The following MGAT5 variants were observed in gnomAD, a reference collection of about 807,000 sequenced individuals.
The protein encoded by MGAT5 is alpha-1,6-mannosylglycoprotein 6-beta-N-acetylglucosaminyltransferase.
In MGAT5, 30 loss-of-function variants were observed where a neutral mutation model predicts 94.3. The ratio of observed to expected loss-of-function variants is 0.32; its 90% CI spans 0.24 to 0.43. The LOEUF (loss-of-function observed/expected upper bound fraction) is 0.43, where lower values mean the gene tolerates loss of function less well. Among genes scored for constraint, MGAT5 ranks in the 20% least tolerant of loss-of-function variants. The probability of loss-of-function intolerance (pLI) is 1.00; values close to 1 mark genes in which losing one functional copy is unlikely to be tolerated. For missense variants in MGAT5, 691 were observed against 905.5 expected (o/e 0.76, Z 3.04); for synonymous variants, 310 against 322.9 (o/e 0.96, Z 0.43).
chr2:134,275,889 ATT>A, intron 2 of MGAT5, among the ~76,000 whole-genome samples: 1 of 151,996 alleles, frequency 6.6e-6, no homozygotes, highest in South Asian at 2.1e-4. Flanking sequence ...TGACTGGCCT[ATT>A]TATTTCTAAT....
chr2:134,175,599 C>T (rs759886179), intron 1 of MGAT5, among the ~76,000 whole-genome samples: 1 of 152,190 alleles, frequency 6.6e-6, no homozygotes, highest in Non-Finnish European at 1.5e-5. Flanking sequence ...TCTTTCCTCC[C>T]TCCTCTTCCG....
chr2:134,220,864 T>C (rs1680726737), intron 1 of MGAT5, among the ~76,000 whole-genome samples: 2 of 152,196 alleles, frequency 1.3e-5, no homozygotes, highest in African/African-American at 4.8e-5. Context: ...GGTGTTCTTT[T>C]TGGATTCTGC....
At position 134,270,839 on chromosome 2, in the gene MGAT5, G is replaced by A. The variant is rs563799528; in HGVS notation, c.406+289G>A. Among the ~76,000 whole-genome samples the A allele has an allele frequency of 2.6e-5, 4 of 152,346 alleles. 1 individual carries two copies. In the South Asian group the frequency reaches 8.3e-4, roughly 32 times the overall value. On this transcript the variant is annotated intron_variant, in intron 2 of 15. Transcript: ENST00000281923. Reference sequence around the variant, plus strand: ...AGAAGATTCATGGCATAGATTAAATGAAATACAGAGGTTATTTGAGAAGCT... The same window carrying A: ...AGAAGATTCATGGCATAGATTAAATAAAATACAGAGGTTATTTGAGAAGCT...
At chr2:134,439,442 A>G (rs1176857546) in intron 14 of MGAT5, among the ~76,000 whole-genome samples, 1 of 152,170 alleles carries the variant, frequency 6.6e-6, no homozygotes, top group African/African-American at 2.4e-5. Context: ...CACACCTGTA[A>G]TCCCGGCACT....
chr2:134,279,579 A>G (rs937091576), intron 2 of MGAT5, among the ~76,000 whole-genome samples: 3 of 152,202 alleles, frequency 2.0e-5, no homozygotes, highest in African/African-American at 7.2e-5. Flanking sequence ...GTCGGGAATA[A>G]TGTTCCTCCC....
intron 1 of MGAT5, among the ~76,000 whole-genome samples, chr2:134,124,388 G>C (rs2104875396): frequency 6.6e-6 from 1 of 152,306 alleles, no homozygotes; most frequent in South Asian, 2.1e-4. Flanking sequence ...GCATGGGAGG[G>C]GTTGGAGGAA....
At chr2:134,381,330 CATAG>C (rs10637591) in intron 10 of MGAT5, among the ~76,000 whole-genome samples, 754 of 67,866 alleles carry the variant, frequency 0.011, 19 homozygotes, top group African/African-American at 0.033. Flanking sequence ...AGACCTGTCT[CATAG>C]ATAGATAGAT....
At chr2:134,174,139 G>T (rs1260293474) in intron 1 of MGAT5, among the ~76,000 whole-genome samples, 1 of 152,246 alleles carries the variant, frequency 6.6e-6, no homozygotes, top group Admixed American at 6.5e-5. Context: ...GTGTCCCTGG[G>T]AATTGGATGT....
rs76007551 is a variant in MGAT5 at position 134,227,528 on chromosome 2, T to C, written c.-142-26734T>C. Among the ~76,000 whole-genome samples the C allele has an allele frequency of 4.7e-3, 714 of 152,310 alleles. 22 individuals are homozygous for C. In the East Asian group the frequency reaches 0.1, roughly 22 times the overall value. On this transcript the variant is annotated intron_variant, in intron 1 of 16. Coordinates refer to the MGAT5 transcript ENST00000409645. ...AAATACTGAGCTACAAATTATTGCC[T>C]AAAACAAATAAAAAATAATACCTCT... is the stretch of plus-strand genomic sequence containing the variant.
chr2:134,380,946 T>C (rs1291520088), intron 10 of MGAT5, among the ~76,000 whole-genome samples: 7 of 152,172 alleles, frequency 4.6e-5, no homozygotes, highest in Non-Finnish European at 1.0e-4. Context: ...AATTCATACA[T>C]AGTGCAGTGA....
intron 1 of MGAT5, among the ~76,000 whole-genome samples, chr2:134,232,432 T>A (rs1459302516): frequency 6.6e-6 from 1 of 152,232 alleles, no homozygotes; most frequent in African/African-American, 2.4e-5. Flanking sequence ...TATATCCTAT[T>A]CTGGACCCAT....
rs1553490382 is a variant in MGAT5, at chr2:134,189,602, G to GTTTTTTTTTTTTTGT, written c.-142-64647_-142-64646insGTTTTTTTTTTTTTT. ...AACCTCATGGCTCTAGTTTTTTTTT[G>GTTTTTTTTTTTTTGT]TTTTTTTTTTTTTTTTTTAAGACAG... is the stretch of plus-strand genomic sequence containing the variant. On this transcript the variant is annotated intron_variant, in intron 1 of 16. Coordinates refer to the MGAT5 transcript ENST00000409645. Among the ~76,000 whole-genome samples, 9 of 84,656 alleles carry GTTTTTTTTTTTTTGT rather than the reference G, an allele frequency of 1.1e-4. No individual in the cohort carries two copies. In the South Asian group the frequency reaches 1.3e-3, roughly 12 times the overall value. 55.5% of individuals were successfully genotyped at this position (84,656 alleles called of 152,430 possible).
rs1476357194 is a variant in MGAT5, at chr2:134,454,076, A to T, written c.*5229A>T. 1 of 152,298 alleles carries T rather than the reference A, an allele frequency of 6.6e-6. No homozygotes were observed. Among genetic ancestry groups the T allele is most frequent in the East Asian group, 1.9e-4 (1 of 5,172 alleles). The allele number at this position is 152,298 out of a possible 1,614,324, so 9.4% of individuals were successfully genotyped here. ...TCTGCAAAGCATCTCTGTAGCCCAG[A>T]TTTTGTGGAGCCTTAAGACACTCCC... is the stretch of plus-strand genomic sequence containing the variant. On this transcript the variant is annotated 3_prime_UTR_variant, in exon 16 of 16. Transcript: ENST00000281923.
At position 134,193,125 on chromosome 2, in the gene MGAT5, AT is replaced by A. The variant is rs1161424806; in HGVS notation, c.-142-61122del. 1.9e-3 allele frequency among the ~76,000 whole-genome samples: 246 copies of A among 131,228 alleles called. 1 individual carries two copies. The highest frequency in any genetic ancestry group is 2.1e-3 in the African/African-American group (71 of 33,880). 86.1% of individuals were successfully genotyped at this position (131,228 alleles called of 152,430 possible). On this transcript the variant is annotated intron_variant, in intron 1 of 16. Coordinates refer to the MGAT5 transcript ENST00000409645. ...TACTTTATTTTTATTTTTATTTTTTATTTTTTTTTTTTTTTGAGACAAGGTC... is the reference window on the plus strand; with the variant it reads ...TACTTTATTTTTATTTTTATTTTTTATTTTTTTTTTTTTTGAGACAAGGTC...
intron 2 of MGAT5, among the ~76,000 whole-genome samples, chr2:134,303,645 A>G (rs1213070566): frequency 1.3e-5 from 2 of 152,138 alleles, no homozygotes; most frequent in African/African-American, 4.8e-5. Context: ...AGTGAGCAGC[A>G]GCTGAAGTCT....
In MGAT5 at chr2:134,403,024, A is replaced by T. The variant is rs1453307605; in HGVS notation, c.1417A>T (p.Met473Leu). The T allele has an allele frequency of 1.2e-6, 2 of 1,609,628 alleles. No individual in the cohort carries two copies. Among genetic ancestry groups the T allele is most frequent in the Non-Finnish European group, 1.7e-6 (2 of 1,179,060 alleles). ...CTACTTGGACATTATTCACACATAC[A>T]TGGAAGTGCATGCAACTGTTTATGG... ...KIYLDIIHTY[M>L]EVHATVYGSS... The change falls in exon 11 of 16, where the codon ATG becomes TTG. Residue 473 changes from methionine (M) to leucine (L), a missense_variant. Met to Leu is a conservative substitution (Grantham distance 15). Around this residue, in one of 4 missense-constraint regions of MGAT5, gnomAD observed 260 missense variants for 347.0 expected, o/e 0.75. Transcript: ENST00000281923.
At chr2:134,354,946 G>T (rs747340455) in intron 9 of MGAT5, among the ~76,000 whole-genome samples, 2 of 152,132 alleles carry the variant, frequency 1.3e-5, no homozygotes, top group Non-Finnish European at 2.9e-5. Context: ...GGATCAGGCT[G>T]TTTCTCCTCA....
At chr2:134,247,767 G>T (rs1211331516) in intron 1 of MGAT5, among the ~76,000 whole-genome samples, 1 of 152,146 alleles carries the variant, frequency 6.6e-6, no homozygotes, top group Non-Finnish European at 1.5e-5. Context: ...TGGAAACTGA[G>T]ATGGACACAC....
At position 134,448,672 on chromosome 2, in the gene MGAT5, C is replaced by T. The variant is rs1304820349; in HGVS notation, c.2051C>T (p.Ser684Leu). Residue 684 changes from serine to leucine, a missense_variant, in exon 16 of 16, where the codon TCA becomes TTA. Physicochemically the swap from Ser to Leu is moderately radical, Grantham distance 145 (BLOSUM62 -2). Around this residue, in one of 4 missense-constraint regions of MGAT5, gnomAD observed 260 missense variants for 347.0 expected, o/e 0.75. Transcript: ENST00000281923. Reference sequence around the variant, plus strand: ...AGGTACAAGGTGACCTGCCAAAGCTCAGAGCTGGCCAAGGACATCCTGGTG... The same window carrying T: ...AGGTACAAGGTGACCTGCCAAAGCTTAGAGCTGGCCAAGGACATCCTGGTG... ...MLKYKVTCQS[S>L]ELAKDILVPS... The T allele has an allele frequency of 6.2e-7, 1 of 1,614,216 alleles. No individual in the cohort carries two copies. The highest frequency in any genetic ancestry group is 8.5e-7 in the Non-Finnish European group (1 of 1,180,030).
Sources: allele counts gnomAD v4.1 joint callset (sites outside exome capture counted in the v4.1 genomes callset), GRCh38; gene constraint gnomAD v4.1.1; regional missense constraint gnomAD v4.1.1; transcripts MANE v1.5; gene names NCBI Gene and HGNC (gene_info 2026-07-23, HGNC 2026-07-21).